Variants in CTNNA2 observed in about 807,000 individuals in gnomAD.
CTNNA2 encodes catenin alpha-2.
In CTNNA2, 42 loss-of-function variants were observed where a neutral mutation model predicts 101.0. The ratio of observed to expected loss-of-function variants is 0.42; its 90% CI spans 0.32 to 0.54. The LOEUF (loss-of-function observed/expected upper bound fraction) is 0.54. Ranked by LOEUF, CTNNA2 falls within the 20% of genes least tolerant of loss-of-function variation. The probability of loss-of-function intolerance (pLI) is 0.14; values close to 1 mark genes in which losing one functional copy is unlikely to be tolerated. For synonymous variants in CTNNA2, 450 were observed against 456.4 expected (o/e 0.99, Z 0.18); for missense variants, 871 against 1,223.1 (o/e 0.71, Z 4.29).
chr2:79,408,340 C>T (rs1678364129), intron 4 of CTNNA2, among the ~76,000 whole-genome samples: 1 of 150,964 alleles, frequency 6.6e-6, no homozygotes, highest in African/African-American at 2.4e-5. Flanking sequence ...TTTTAGGGTA[C>T]ATGTACACAA....
chr2:80,573,417 G>A (rs949860264), intron 12 of CTNNA2: 1 of 152,126 alleles, frequency 6.6e-6, no homozygotes, highest in African/African-American at 2.4e-5. Context: ...CTGGTAAGAT[G>A]GAACACTTTA....
chr2:79,263,027 T>C (rs570543039), intron 2 of CTNNA2, among the ~76,000 whole-genome samples: 1 of 152,202 alleles, frequency 6.6e-6, no homozygotes, highest in African/African-American at 2.4e-5. Flanking sequence ...AATTAAAAAA[T>C]AGTAAACACT....
At chr2:79,279,711 A>G (rs1043735424) in intron 2 of CTNNA2, among the ~76,000 whole-genome samples, 4 of 152,132 alleles carry the variant, frequency 2.6e-5, no homozygotes, top group Admixed American at 2.6e-4. Flanking sequence ...TGGTAAGACC[A>G]TGGGGCACAT....
At chr2:79,892,975 A>G (rs1574246798) in intron 6 of CTNNA2, among the ~76,000 whole-genome samples, 1 of 152,170 alleles carries the variant, frequency 6.6e-6, no homozygotes, top group African/African-American at 2.4e-5. Context: ...CCAAAGCACT[A>G]TACCCGTCCC....
chr2:80,012,309 G>A (rs985387568), intron 7 of CTNNA2, among the ~76,000 whole-genome samples: 1 of 152,112 alleles, frequency 6.6e-6, no homozygotes, highest in African/African-American at 2.4e-5. Context: ...TGTCTTATTG[G>A]GAATGCATTC....
chr2:80,244,485 T>G (rs2149095979), intron 7 of CTNNA2, among the ~76,000 whole-genome samples: 1 of 152,352 alleles, frequency 6.6e-6, no homozygotes, highest in South Asian at 2.1e-4. Flanking sequence ...GGAGCAGATT[T>G]TTATTTAAGG....
At chr2:80,086,442 G>A (rs1292318776) in intron 7 of CTNNA2, among the ~76,000 whole-genome samples, 1 of 152,056 alleles carries the variant, frequency 6.6e-6, no homozygotes, top group Non-Finnish European at 1.5e-5. Context: ...GTCATTATAA[G>A]ACCCAATTAA....
intron 7 of CTNNA2, among the ~76,000 whole-genome samples, chr2:80,092,154 A>G (rs1298742472): frequency 1.3e-5 from 2 of 152,022 alleles, no homozygotes; most frequent in Non-Finnish European, 2.9e-5. Flanking sequence ...GAGTTCCTCT[A>G]AGCCTTTCTC....
At chr2:79,772,186 C>A (rs1002750828) in intron 3 of CTNNA2, among the ~76,000 whole-genome samples, 22 of 151,998 alleles carry the variant, frequency 1.4e-4, no homozygotes, top group African/African-American at 5.3e-4. Context: ...TACAACATGA[C>A]AGATGCTGAA....
chr2:80,009,222 T>C (rs1348175912), intron 7 of CTNNA2, among the ~76,000 whole-genome samples: 1 of 152,104 alleles, frequency 6.6e-6, no homozygotes, highest in Non-Finnish European at 1.5e-5. Flanking sequence ...GAAAAGGAGA[T>C]CTTGAGCTTC....
At chr2:80,335,116 C>T (rs1234022734) in intron 7 of CTNNA2, among the ~76,000 whole-genome samples, 6 of 152,148 alleles carry the variant, frequency 3.9e-5, no homozygotes, top group Non-Finnish European at 5.9e-5. Flanking sequence ...GTTACAGTTT[C>T]AGTATGAGGT....
At chr2:79,362,200 C>T (rs1018517268) in intron 3 of CTNNA2, among the ~76,000 whole-genome samples, 2 of 152,142 alleles carry the variant, frequency 1.3e-5, no homozygotes, top group Admixed American at 1.3e-4. Flanking sequence ...ATGGTCTTGC[C>T]CTAGTCCTGG....
intron 9 of CTNNA2, among the ~76,000 whole-genome samples, chr2:80,457,934 A>G (rs1387417657): frequency 1.2e-4 from 18 of 152,170 alleles, no homozygotes; most frequent in Non-Finnish European, 4.4e-5. Context: ...CATGTGAAAA[A>G]TGACTTCCTT....
chr2:79,489,051 T>A (rs1213150641), intron 4 of CTNNA2, among the ~76,000 whole-genome samples: 1 of 152,166 alleles, frequency 6.6e-6, no homozygotes. Context: ...TTTATCGACT[T>A]CCATGGCACT....
At chr2:80,599,342 T>G (rs1697260443) in intron 15 of CTNNA2, among the ~76,000 whole-genome samples, 1 of 152,192 alleles carries the variant, frequency 6.6e-6, no homozygotes, top group Admixed American at 6.5e-5. Context: ...GAAGGAGCTT[T>G]AGAATCCACT....
chr2:80,444,694 T>C (rs1022883628), intron 9 of CTNNA2, among the ~76,000 whole-genome samples: 1 of 152,104 alleles, frequency 6.6e-6, no homozygotes, highest in African/African-American at 2.4e-5. Flanking sequence ...AGCGTCCTTA[T>C]AGGAAGAGAC....
At chr2:80,398,375 A>G (rs1678234779) in intron 8 of CTNNA2, among the ~76,000 whole-genome samples, 1 of 152,200 alleles carries the variant, frequency 6.6e-6, no homozygotes, top group Admixed American at 6.5e-5. Context: ...CAGAATATTG[A>G]GTTCCTCCAA....
chr2:79,826,444 T>C (rs752618927), intron 3 of CTNNA2, among the ~76,000 whole-genome samples: 3 of 152,194 alleles, frequency 2.0e-5, no homozygotes, highest in Admixed American at 6.5e-5. Flanking sequence ...ACAATTTTAG[T>C]AATTGGAGTA....
intron 7 of CTNNA2, among the ~76,000 whole-genome samples, chr2:79,916,780 G>A (rs188030972): frequency 2.0e-5 from 3 of 151,052 alleles, no homozygotes; most frequent in Non-Finnish European, 3.0e-5. Flanking sequence ...CCACCACCAC[G>A]CCCAGCTAAT....
Sources: allele counts gnomAD v4.1 joint callset (sites outside exome capture counted in the v4.1 genomes callset), GRCh38; gene constraint gnomAD v4.1.1; transcripts MANE v1.5; gene names NCBI Gene and HGNC (gene_info 2026-07-23, HGNC 2026-07-21).